WNK4: variants seen among roughly 807,000 people sequenced by gnomAD.
WNK4 encodes the protein serine/threonine-protein kinase WNK4.
Under a neutral mutation model 116.2 loss-of-function variants are expected in WNK4, and 94 were observed. That is an observed-to-expected ratio of 0.81 (90% CI 0.68 to 0.96). The LOEUF (loss-of-function observed/expected upper bound fraction) is 0.96, where lower values mean the gene tolerates loss of function less well. Among genes scored for constraint, WNK4 ranks in the 40% least tolerant of loss-of-function variants. The pLI is 0.00. For missense variants in WNK4, 1,542 were observed against 1,650.6 expected, an observed-to-expected ratio of 0.93 and a Z score of 1.14; for synonymous variants, 655 against 672.7, an observed-to-expected ratio of 0.97 and a Z score of 0.41.
intron 1 of WNK4, 120 bp downstream of exon 1, chr17:42,781,436 T>A: frequency 7.6e-7 from 1 of 1,316,630 alleles, no homozygotes; most frequent in Non-Finnish European, 1.1e-6. Context: ...GTCAAATGTC[T>A]ATAGACACCT....
chr17:42,788,439 C>A lies in WNK4; in HGVS notation c.2040+32C>A, dbSNP rs750540512. On this transcript the variant is annotated intron_variant, in intron 10 of 18. Coordinates refer to ENST00000246914, the MANE Select transcript of WNK4 (RefSeq NM_032387.5). ...ATGGAGTACAGGAGATAGAGAGTAA[C>A]CTACAGGGCCAGGAGGGAAGTGTCA... 2.5e-6 allele frequency: 4 copies of A among 1,601,994 alleles called. No individual in the cohort carries two copies. The Admixed American group carries it at 6.7e-5, about 27-fold the overall frequency.
rs1473978000 is a variant in WNK4, at chr17:42,796,033, A to G, written c.3431A>G (p.Lys1144Arg). ...FWAELQSLRQKHLSEVETLQT... is the reference protein window; with the variant it reads ...FWAELQSLRQRHLSEVETLQT... ...GCTGAGCTGCAGAGTCTTCGGCAGA[A>G]GTGAGTCTCGGGAGGATGGAGGAGT... Residue 1144 changes from lysine to arginine, a missense_variant and splice_region_variant, in exon 16 of 19, where the codon AAG becomes AGG. This residue lies in a region of WNK4 where 148 missense variants were observed against 157.2 expected (regional missense o/e 0.94). Coordinates refer to ENST00000246914, the MANE Select transcript of WNK4 (RefSeq NM_032387.5). The G allele has an allele frequency of 5.6e-6, 9 of 1,613,984 alleles. No individual in the cohort carries two copies. The Admixed American group carries it at 1.3e-4, about 24-fold the overall frequency.
At chr17:42,788,557 T>C (rs2054577306) in intron 10 of WNK4, 124 bp from the exon 11 acceptor site, 1 of 1,144,222 alleles carries the variant, frequency 8.7e-7, no homozygotes. Context: ...TACCAGACTT[T>C]AGAGGTGGGG....
At position 42,785,335 on chromosome 17, in the gene WNK4, G is replaced by A. The variant is rs55772936; in HGVS notation, c.1329G>A (p.Ala443=). 9.1e-5 allele frequency: 147 copies of A among 1,611,836 alleles called. No homozygotes were observed. In the East Asian group the frequency reaches 3.0e-3, roughly 33 times the overall value. The change falls in exon 6 of 19, where the codon GCG becomes GCA. Residue 443 remains alanine (A), a synonymous_variant. Transcript: ENST00000246914. ...AGCGCGGTGTGCACGTGGAACTAGC[G>A]GAGGAGGACGACGGCGAGAAGCCGG... ...REERGVHVEL[A]EEDDGEKPGL...
chr17:42,784,545 A>G lies in WNK4; in HGVS notation c.1136A>G (p.Gln379Arg), dbSNP rs1229296190. 2 of 1,614,166 alleles carry G rather than the reference A, an allele frequency of 1.2e-6. No homozygotes were observed. The highest frequency in any genetic ancestry group is 3.3e-5 in the Admixed American group (2 of 60,020). Residue 379 changes from glutamine (Q) to arginine (R), a missense_variant, in exon 4 of 19, where the codon CAG (glutamine) becomes CGG (arginine). Around this residue, in one of 7 missense-constraint regions of WNK4, gnomAD observed 808 missense variants for 873.6 expected, o/e 0.92. Coordinates refer to ENST00000246914, the MANE Select transcript of WNK4 (RefSeq NM_032387.5). This position sits in a 1 kb window ranked among gnomAD's most constrained non-coding sequence, Gnocchi z 4.4. ...TCTGAGTACCCGTACTCCGAGTGCCAGAATGCCGCGCAAATCTACCGCAAG... is the reference window on the plus strand; with the variant it reads ...TCTGAGTACCCGTACTCCGAGTGCCGGAATGCCGCGCAAATCTACCGCAAG... Reference protein sequence around the residue: ...ATSEYPYSECQNAAQIYRKVT... With the variant: ...ATSEYPYSECRNAAQIYRKVT...
Position 42,788,814 on chromosome 17 carries a change from T to G in WNK4, c.2157+17T>G. On this transcript the variant is annotated intron_variant, in intron 11 of 18. Coordinates refer to ENST00000246914, the MANE Select transcript of WNK4 (RefSeq NM_032387.5). ...GCTGCCATGGTGAGGGGGAGAGAGATGAGGACAGAGTGTTTGGATCTGGAA... is the reference window on the plus strand; with the variant it reads ...GCTGCCATGGTGAGGGGGAGAGAGAGGAGGACAGAGTGTTTGGATCTGGAA... The G allele has an allele frequency of 1.3e-6, 2 of 1,575,934 alleles. No homozygotes were observed. Among genetic ancestry groups the G allele is most frequent in the Non-Finnish European group, 1.7e-6 (2 of 1,145,352 alleles).
At chr17:42,785,228 G>A (rs12948005) in intron 5 of WNK4, 38 bp from the exon 6 acceptor site, 74 of 1,607,280 alleles carry the variant, frequency 4.6e-5, no homozygotes, top group Non-Finnish European at 6.2e-5. Flanking sequence ...AGGGCCGCGG[G>A]CCGCGGCGGG....
chr17:42,791,760 G>A (rs1187134118), intron 11 of WNK4, among the ~76,000 whole-genome samples: 2 of 151,954 alleles, frequency 1.3e-5, no homozygotes, highest in Admixed American at 6.6e-5. Flanking sequence ...AGGAGTTCGA[G>A]ACCAGCCTGG....
chr17:42,785,117 C>T lies in WNK4; in HGVS notation c.1191C>T (p.Phe397=). 1 of 1,613,696 alleles carries T rather than the reference C, an allele frequency of 6.2e-7. No individual in the cohort carries two copies. Among genetic ancestry groups the T allele is most frequent in the Non-Finnish European group, 8.5e-7 (1 of 1,179,902 alleles). ...KVTSGRKPNS[F]HKVKIPEVKE... Reference sequence around the variant, plus strand: ...CCCAGGGCAGAAAGCCGAACAGCTTCCACAAGGTGAAGATACCCGAGGTGA... The same window carrying T: ...CCCAGGGCAGAAAGCCGAACAGCTTTCACAAGGTGAAGATACCCGAGGTGA... Residue 397 remains phenylalanine (F), a synonymous_variant, in exon 5 of 19, where the codon TTC becomes TTT. Transcript: ENST00000246914.
At position 42,780,635 on chromosome 17, in the gene WNK4, G is replaced by A. The variant is rs1373693741; in HGVS notation, c.-64G>A. On this transcript the variant is annotated 5_prime_UTR_variant, in exon 1 of 19. Coordinates refer to ENST00000246914, the MANE Select transcript of WNK4 (RefSeq NM_032387.5). ...GGAGCGCAGCGCACCCAGCGAGTCC[G>A]TCTGTCAGGCCGCCTCCTCTCCGGC... 1.3e-5 allele frequency: 21 copies of A among 1,591,038 alleles called. No homozygotes were observed. Among genetic ancestry groups the A allele is most frequent in the East Asian group, 2.3e-5 (1 of 44,294 alleles).
chr17:42,784,666 G>C lies in WNK4; in HGVS notation c.1170+87G>C. The stretch of plus-strand genomic sequence containing the variant: ...GGCCAGCCCGCAGTCAATGCCCTTT[G>C]CCTGCACGAAAACAGGCTAGACACA... On this transcript the variant is annotated intron_variant, in intron 4 of 18. Transcript: ENST00000246914. The surrounding 1 kb of genome is among the most constrained non-coding windows in gnomAD (Gnocchi z 4.4). The C allele has an allele frequency of 6.4e-7, 1 of 1,557,768 alleles. No individual in the cohort carries two copies. Among genetic ancestry groups the C allele is most frequent in the Non-Finnish European group, 8.7e-7 (1 of 1,144,744 alleles).
Position 42,788,526 on chromosome 17 carries a change from G to A in WNK4, c.2040+119G>A, listed in dbSNP as rs1381006266. ...AGCAGTGTATGACTAGTACTCAAGAGGCGGCCAGTCTGGTTTCTAATACCA... is the reference window on the plus strand; with the variant it reads ...AGCAGTGTATGACTAGTACTCAAGAAGCGGCCAGTCTGGTTTCTAATACCA... On this transcript the variant is annotated intron_variant, in intron 10 of 18. Coordinates refer to ENST00000246914, the MANE Select transcript of WNK4 (RefSeq NM_032387.5). 15 of 1,220,574 alleles carry A rather than the reference G, an allele frequency of 1.2e-5. No homozygotes were observed. The South Asian group carries it at 1.7e-4, about 14-fold the overall frequency. 75.6% of individuals were successfully genotyped at this position (1,220,574 alleles called of 1,614,324 possible).
intron 15 of WNK4, 21 bp downstream of exon 15, chr17:42,795,542 C>T: frequency 6.2e-7 from 1 of 1,614,262 alleles, no homozygotes; most frequent in Non-Finnish European, 8.5e-7. Flanking sequence ...TGACCACTGA[C>T]CTTCCCCTGC....
intron 6 of WNK4, among the ~76,000 whole-genome samples, chr17:42,786,081 A>C (rs919047092): frequency 6.6e-6 from 1 of 152,178 alleles, no homozygotes; most frequent in African/African-American, 2.4e-5. Flanking sequence ...GCACTTTCAC[A>C]TGCATTTGAT....
In WNK4 at chr17:42,780,859, C is replaced by T. The variant is rs1211634326; in HGVS notation, c.161C>T (p.Pro54Leu). Residue 54 changes from proline (P) to leucine (L), a missense_variant, in exon 1 of 19, where the codon CCG becomes CTG. Pro to Leu is a moderately conservative substitution (Grantham distance 98). Around this residue, in one of 7 missense-constraint regions of WNK4, gnomAD observed 243 missense variants for 217.8 expected, o/e 1.12. Coordinates refer to ENST00000246914, the MANE Select transcript of WNK4 (RefSeq NM_032387.5). Reference protein sequence around the residue: ...RRFSGKAEPRPRSSRLSRRSS... With the variant: ...RRFSGKAEPRLRSSRLSRRSS... ...TTCTCCGGGAAGGCTGAGCCCCGGC[C>T]GCGCTCTTCTCGTCTCAGCCGCCGT... 2.5e-6 allele frequency: 4 copies of T among 1,603,260 alleles called. No individual in the cohort carries two copies. The Admixed American group carries it at 6.7e-5, about 27-fold the overall frequency.
intron 2 of WNK4, 121 bp downstream of exon 2, chr17:42,783,051 C>G: frequency 7.5e-7 from 1 of 1,335,924 alleles, no homozygotes; most frequent in Non-Finnish European, 1.0e-6. Flanking sequence ...TCACCATCTC[C>G]CTCTCACCCA....
chr17:42,783,955 G>A lies in WNK4; in HGVS notation c.810G>A (p.Arg270=). The A allele has an allele frequency of 6.2e-7, 1 of 1,613,724 alleles. No homozygotes were observed. The highest frequency in any genetic ancestry group is 8.5e-7 in the Non-Finnish European group (1 of 1,179,940). Residue 270 remains arginine, a synonymous_variant, in exon 3 of 19, where the codon CGG becomes CGA. Transcript: ENST00000246914. ...GTLKTYLRRF[R]EMKPRVLQRW... ...CCCCCAGGTACCTGAGGCGGTTCCG[G>A]GAGATGAAGCCGCGGGTCCTTCAGC...
In WNK4 at chr17:42,796,820, G is replaced by T. The variant is rs939880308; in HGVS notation, c.*132G>T. On this transcript the variant is annotated 3_prime_UTR_variant, in exon 19 of 19. Coordinates refer to ENST00000246914, the MANE Select transcript of WNK4 (RefSeq NM_032387.5). ...CAACACTGAAGGGGTAGAAGGCCAG[G>T]GGGGCATGGAGAGTGCAGCTCCATT... 8 of 1,590,052 alleles carry T rather than the reference G, an allele frequency of 5.0e-6. No individual in the cohort carries two copies. The South Asian group carries it at 5.5e-5, about 11-fold the overall frequency.
Position 42,784,652 on chromosome 17 carries a change from A to T in WNK4, c.1170+73A>T. On this transcript the variant is annotated intron_variant, in intron 4 of 18. Transcript: ENST00000246914. This position sits in a 1 kb window ranked among gnomAD's most constrained non-coding sequence, Gnocchi z 4.4. ...CCTTTTCCTGCGCCGGCCAGCCCGCAGTCAATGCCCTTTGCCTGCACGAAA... is the reference window on the plus strand; with the variant it reads ...CCTTTTCCTGCGCCGGCCAGCCCGCTGTCAATGCCCTTTGCCTGCACGAAA... 1.3e-6 allele frequency: 2 copies of T among 1,587,766 alleles called. No individual in the cohort carries two copies. The highest frequency in any genetic ancestry group is 1.7e-6 in the Non-Finnish European group (2 of 1,165,866).
Sources: gnomAD v4.1 joint callset for allele counts (sites outside exome capture counted in the v4.1 genomes callset) on GRCh38, gnomAD v4.1.1 for gene constraint, gnomAD v4.1.1 regional missense constraint, Gnocchi (gnomAD v3.1) non-coding constraint, MANE v1.5 for transcripts, NCBI Gene and HGNC (gene_info 2026-07-23, HGNC 2026-07-21) for gene names.